TCF12: variants seen among roughly 807,000 people sequenced by gnomAD.
The protein encoded by TCF12 is transcription factor 12, also known as DNA-binding protein HTF4.
TCF12 carries 45 observed loss-of-function variants against 86.0 expected under a neutral mutation model. The ratio of observed to expected loss-of-function variants is 0.52; its 90% confidence interval spans 0.41 to 0.67. TCF12 has a LOEUF of 0.67. Ranked by LOEUF, TCF12 falls within the 30% of genes least tolerant of loss-of-function variation. The probability of loss-of-function intolerance (pLI) is 0.00; values close to 1 mark genes in which losing one functional copy is unlikely to be tolerated. For synonymous variants in TCF12, 330 were observed against 299.6 expected (o/e 1.10, Z -1.05); for missense variants, 881 against 859.9 (o/e 1.02, Z -0.31).
intron 3 of TCF12, among the ~76,000 whole-genome samples, chr15:56,927,105 C>G (rs12443125): frequency 0.04 from 6,156 of 152,142 alleles, 374 homozygotes; most frequent in Admixed American, 0.17. Context: ...AGAAATGACT[C>G]AAGATTGCAG....
intron 5 of TCF12, among the ~76,000 whole-genome samples, chr15:57,093,423 C>T (rs1354869193): frequency 6.6e-6 from 1 of 152,160 alleles, no homozygotes; most frequent in Non-Finnish European, 1.5e-5. Flanking sequence ...GAATATAACT[C>T]TGAACTGTGA....
In TCF12 at chr15:57,262,644, G is replaced by C. The variant is rs370706502; in HGVS notation, c.1582+436G>C. 3.9e-5 allele frequency among the ~76,000 whole-genome samples: 6 copies of C among 152,274 alleles called. No homozygotes were observed. The East Asian group carries it at 5.8e-4, about 15-fold the overall frequency. The stretch of plus-strand genomic sequence containing the variant: ...TTGATAAAAAGCAAACTTGATCACT[G>C]TTCCAATAGAGCTTACAAGTAAGTG... On this transcript the variant is annotated intron_variant, in intron 17 of 20. Coordinates refer to ENST00000333725, the MANE Select transcript of TCF12 (RefSeq NM_207037.2).
intron 8 of TCF12, among the ~76,000 whole-genome samples, chr15:57,209,161 C>T (rs550958524): frequency 6.6e-6 from 1 of 152,322 alleles, no homozygotes; most frequent in East Asian, 1.9e-4. Flanking sequence ...CTGTTAATGA[C>T]TTCCTGCTCT....
At chr15:57,152,637 A>C (rs2053843737) in intron 5 of TCF12, among the ~76,000 whole-genome samples, 1 of 152,194 alleles carries the variant, frequency 6.6e-6, no homozygotes, top group African/African-American at 2.4e-5. Flanking sequence ...GGCCAGTATA[A>C]ATTATCCAAA....
intron 3 of TCF12, among the ~76,000 whole-genome samples, chr15:56,952,172 A>G (rs1479970077): frequency 9.6e-6 from 1 of 104,642 alleles, no homozygotes; most frequent in East Asian, 2.8e-4. Context: ...TTTATAAAAA[A>G]GGCTTTTTTG....
intron 8 of TCF12, among the ~76,000 whole-genome samples, chr15:57,227,320 C>T (rs2414493): frequency 0.22 from 32,822 of 151,912 alleles, 4,076 homozygotes; most frequent in East Asian, 0.4. Flanking sequence ...GTATTGAAAT[C>T]GAGAGCACAG....
intron 6 of TCF12, among the ~76,000 whole-genome samples, chr15:57,170,657 TAA>T (rs57029694): frequency 1.2e-3 from 44 of 37,902 alleles, no homozygotes; most frequent in African/African-American, 3.6e-3. Flanking sequence ...ATATATTATA[TAA>T]AATATATATA....
intron 8 of TCF12, among the ~76,000 whole-genome samples, chr15:57,207,454 T>C (rs2057885696): frequency 6.6e-6 from 1 of 152,112 alleles, no homozygotes; most frequent in Non-Finnish European, 1.5e-5. Flanking sequence ...GCGGATCACT[T>C]AAGGTCAGGA....
chr15:57,018,119 A>G (rs2065258932), intron 3 of TCF12, among the ~76,000 whole-genome samples: 1 of 152,218 alleles, frequency 6.6e-6, no homozygotes, highest in Non-Finnish European at 1.5e-5. Flanking sequence ...TAATGTAAGT[A>G]GAGAGCGTAT....
At chr15:57,200,308 G>C (rs2057476304) in intron 8 of TCF12, among the ~76,000 whole-genome samples, 1 of 152,092 alleles carries the variant, frequency 6.6e-6, no homozygotes, top group South Asian at 2.1e-4. Flanking sequence ...TATGTCCTAA[G>C]AACACTTAAG....
At chr15:56,925,915 A>G (rs190654408) in intron 3 of TCF12, among the ~76,000 whole-genome samples, 1 of 152,260 alleles carries the variant, frequency 6.6e-6, no homozygotes, top group East Asian at 1.9e-4. Context: ...TAGTTGTGCC[A>G]TAAGTATCTC....
chr15:57,135,487 T>C (rs955405490), intron 5 of TCF12, among the ~76,000 whole-genome samples: 1 of 152,158 alleles, frequency 6.6e-6, no homozygotes, highest in Non-Finnish European at 1.5e-5. Flanking sequence ...CCTCTCAAGA[T>C]TAGAAAGTTG....
intron 4 of TCF12, among the ~76,000 whole-genome samples, chr15:57,069,170 A>G (rs779298709): frequency 5.9e-5 from 9 of 152,104 alleles, no homozygotes; most frequent in Non-Finnish European, 8.8e-5. Flanking sequence ...AGAGGAGTAT[A>G]TTGATACTCT....
intron 6 of TCF12, among the ~76,000 whole-genome samples, chr15:57,184,945 A>G (rs538152957): frequency 2.2e-4 from 33 of 152,146 alleles, no homozygotes; most frequent in African/African-American, 8.0e-4. Context: ...CCCTTTTATC[A>G]TTTCTTCTGG....
intron 3 of TCF12, among the ~76,000 whole-genome samples, chr15:57,062,201 C>T (rs2068510371): frequency 6.6e-6 from 1 of 152,016 alleles, no homozygotes; most frequent in Admixed American, 6.6e-5. Context: ...TGTGATCTGC[C>T]CGCCTCGGCC....
chr15:56,936,788 A>G (rs1342095665), intron 3 of TCF12, among the ~76,000 whole-genome samples: 3 of 151,894 alleles, frequency 2.0e-5, no homozygotes, highest in East Asian at 1.9e-4. Flanking sequence ...GGCTTTAAGT[A>G]TTTGGGTTTA....
chr15:57,180,075 A>G (rs369000953), intron 6 of TCF12, among the ~76,000 whole-genome samples: 27 of 152,336 alleles, frequency 1.8e-4, no homozygotes, highest in South Asian at 6.2e-4. Flanking sequence ...TGAAATTTCA[A>G]TGTAAATGAA....
rs2058771290 is a variant in TCF12, at chr15:57,224,440, C to G, written c.580-6712C>G. 2.0e-5 allele frequency among the ~76,000 whole-genome samples: 3 copies of G among 151,914 alleles called. No individual in the cohort carries two copies. In the South Asian group the frequency reaches 6.2e-4, roughly 32 times the overall value. On this transcript the variant is annotated intron_variant, in intron 8 of 20. Transcript: ENST00000333725. ...ATTAACTAAAATGTGCTTGATTTTCCTAGAAAACCAGTGATATGCCCAGTA... is the reference window on the plus strand; with the variant it reads ...ATTAACTAAAATGTGCTTGATTTTCGTAGAAAACCAGTGATATGCCCAGTA...
intron 5 of TCF12, among the ~76,000 whole-genome samples, chr15:57,147,918 C>T (rs1394910304): frequency 2.7e-5 from 4 of 145,844 alleles, no homozygotes; most frequent in Admixed American, 2.1e-4. Flanking sequence ...TCTTGCTCTT[C>T]TGCCCAGGCT....
Sources: gnomAD v4.1 joint callset for allele counts (sites outside exome capture counted in the v4.1 genomes callset) on GRCh38, gnomAD v4.1.1 for gene constraint, MANE v1.5 for transcripts, NCBI Gene and HGNC (gene_info 2026-07-23, HGNC 2026-07-21) for gene names.